Variants in STXBP5 observed in about 807,000 individuals in gnomAD.
STXBP5 encodes the protein syntaxin binding protein 5, also known as syntaxin-binding protein 5.
In STXBP5, 50 loss-of-function variants were observed where a neutral mutation model predicts 152.4. The ratio of observed to expected loss-of-function variants is 0.33; its 90% confidence interval spans 0.26 to 0.42. The LOEUF is 0.42. Among genes scored for constraint, STXBP5 ranks in the 10% least tolerant of loss-of-function variants. The pLI is 1.00. For synonymous variants in STXBP5, 492 were observed against 494.7 expected (o/e 0.99, Z 0.07); for missense variants, 1,167 against 1,388.6 (o/e 0.84, Z 2.54).
chr6:147,208,868 C>T (rs1776706136), intron 2 of STXBP5, among the ~76,000 whole-genome samples: 1 of 151,938 alleles, frequency 6.6e-6, no homozygotes, highest in African/African-American at 2.4e-5. Flanking sequence ...AAATCTTAAT[C>T]CTTTAATAAT....
chr6:147,257,800 A>G (rs1220622952), intron 4 of STXBP5, among the ~76,000 whole-genome samples: 2 of 152,238 alleles, frequency 1.3e-5, no homozygotes, highest in Non-Finnish European at 2.9e-5. Context: ...ATTTCTGCAT[A>G]GAAGAACAAC....
At chr6:147,259,574 C>T (rs2115332558) in intron 4 of STXBP5, among the ~76,000 whole-genome samples, 1 of 152,202 alleles carries the variant, frequency 6.6e-6, no homozygotes. Context: ...TTGAAAATCT[C>T]TGTAATAAAA....
chr6:147,228,715 A>G (rs535226157), intron 2 of STXBP5, among the ~76,000 whole-genome samples: 3 of 152,084 alleles, frequency 2.0e-5, no homozygotes, highest in South Asian at 2.1e-4. Context: ...AAATGACAGC[A>G]TACATGTATG....
At chr6:147,230,367 G>C (rs1385738285) in intron 2 of STXBP5, among the ~76,000 whole-genome samples, 3 of 151,638 alleles carry the variant, frequency 2.0e-5, no homozygotes, top group Non-Finnish European at 4.4e-5. Context: ...GGGCCATATT[G>C]CTTCATTATT....
intron 8 of STXBP5, among the ~76,000 whole-genome samples, chr6:147,286,689 G>A (rs1182198012): frequency 6.6e-6 from 1 of 151,940 alleles, no homozygotes; most frequent in African/African-American, 2.4e-5. Context: ...TTTGGTGTGG[G>A]GAAGAACTTT....
intron 2 of STXBP5, 32 bp from the exon 3 acceptor site, chr6:147,235,218 T>C (rs950400642): frequency 6.3e-7 from 1 of 1,599,742 alleles, no homozygotes; most frequent in Non-Finnish European, 8.6e-7. Context: ...ACCGAACAAA[T>C]ACCATAAACT....
At chr6:147,320,723 A>G (rs1415861935) in intron 16 of STXBP5, among the ~76,000 whole-genome samples, 2 of 152,156 alleles carry the variant, frequency 1.3e-5, no homozygotes, top group East Asian at 1.9e-4. Context: ...TTAAATTACA[A>G]CATTACTTAA....
chr6:147,231,868 CAT>C (rs778056615), intron 2 of STXBP5, among the ~76,000 whole-genome samples: 10 of 151,722 alleles, frequency 6.6e-5, no homozygotes, highest in Admixed American at 1.3e-4. Context: ...TAGGAAGAAT[CAT>C]GTGTGCAAGG....
At chr6:147,355,532 T>C (rs1784777890) in intron 22 of STXBP5, among the ~76,000 whole-genome samples, 3 of 152,170 alleles carry the variant, frequency 2.0e-5, no homozygotes, top group Non-Finnish European at 2.9e-5. Context: ...TTCTCAATAA[T>C]AACCATAGCG....
At chr6:147,248,856 T>G (rs952725089) in intron 4 of STXBP5, among the ~76,000 whole-genome samples, 7 of 152,162 alleles carry the variant, frequency 4.6e-5, no homozygotes, top group African/African-American at 1.7e-4. Context: ...AGGTGAGCAC[T>G]TAAGAGACTG....
In STXBP5 at chr6:147,204,583, G is replaced by A; in HGVS notation, c.51G>A (p.Ser17=). ...TGCTGGACGGCCTGACCGCCGGCTC[G>A]TCCTCGGCGTCGCAGCAGCAACAGC... ...RKVLDGLTAG[S]SSASQQQQQQ... is the part of the protein sequence containing the mutation. Residue 17 remains serine, a synonymous_variant, in exon 1 of 28, where the codon TCG becomes TCA. Coordinates refer to ENST00000321680, the MANE Select transcript of STXBP5 (RefSeq NM_001127715.4). The surrounding 1 kb of genome is among the most constrained non-coding windows in gnomAD (Gnocchi z 4.3). 6.2e-7 allele frequency: 1 copy of A among 1,608,990 alleles called. No individual in the cohort carries two copies. The highest frequency in any genetic ancestry group is 8.5e-7 in the Non-Finnish European group (1 of 1,177,910).
Position 147,346,736 on chromosome 6 carries a change from C to CA in STXBP5, c.2255-6576dup, listed in dbSNP as rs901429195. Among the ~76,000 whole-genome samples the CA allele has an allele frequency of 1.4e-3, 206 of 143,072 alleles. 1 individual carries two copies. The highest frequency in any genetic ancestry group is 2.9e-3 in the African/African-American group (113 of 39,086). 93.9% of individuals were successfully genotyped at this position (143,072 alleles called of 152,430 possible). Reference sequence around the variant, plus strand: ...GTGTGGGTGACAGGGTGAGTCTCCTCAAAAAAAAAAATACAAACTTTTAGC... The same window carrying CA: ...GTGTGGGTGACAGGGTGAGTCTCCTCAAAAAAAAAAAATACAAACTTTTAGC... On this transcript the variant is annotated intron_variant, in intron 21 of 27. Coordinates refer to ENST00000321680, the MANE Select transcript of STXBP5 (RefSeq NM_001127715.4).
chr6:147,212,024 T>C (rs1776882932), intron 2 of STXBP5, among the ~76,000 whole-genome samples: 1 of 152,210 alleles, frequency 6.6e-6, no homozygotes, highest in Non-Finnish European at 1.5e-5. Context: ...GTTAGCTCCT[T>C]TAGCTCCTCA....
At chr6:147,272,696 C>T (rs1230199775) in intron 7 of STXBP5, among the ~76,000 whole-genome samples, 5 of 152,086 alleles carry the variant, frequency 3.3e-5, no homozygotes, top group Admixed American at 6.5e-5. Context: ...TTTTATTACA[C>T]AGGCACAAAT....
chr6:147,221,125 G>A (rs564546468), intron 2 of STXBP5, among the ~76,000 whole-genome samples: 1 of 152,046 alleles, frequency 6.6e-6, no homozygotes, highest in South Asian at 2.1e-4. Flanking sequence ...GGTCTACTTT[G>A]AAAGAACACT....
chr6:147,323,579 A>G (rs1322663448), intron 16 of STXBP5, among the ~76,000 whole-genome samples: 1 of 151,962 alleles, frequency 6.6e-6, no homozygotes, highest in East Asian at 1.9e-4. Flanking sequence ...TTTAGTAGAG[A>G]CGGGGTTTCG....
chr6:147,363,250 A>G (rs765790258), intron 23 of STXBP5, 85 bp from the exon 24 acceptor site: 119 of 1,342,186 alleles, frequency 8.9e-5, no homozygotes, highest in Non-Finnish European at 1.1e-4. Context: ...ATATTTAAGT[A>G]TCTACTGTAT....
intron 5 of STXBP5, among the ~76,000 whole-genome samples, chr6:147,261,663 G>A (rs938840737): frequency 1.2e-4 from 18 of 151,958 alleles, no homozygotes; most frequent in Non-Finnish European, 7.4e-5. Flanking sequence ...TTCATGGTCT[G>A]TTCTTTGAAT....
intron 9 of STXBP5, among the ~76,000 whole-genome samples, chr6:147,295,660 G>C (rs1781482922): frequency 6.6e-6 from 1 of 152,172 alleles, no homozygotes; most frequent in Non-Finnish European, 1.5e-5. Context: ...CCCTTGTGGG[G>C]AAAACGTAAG....
Sources: allele counts gnomAD v4.1 joint callset (sites outside exome capture counted in the v4.1 genomes callset), GRCh38; gene constraint gnomAD v4.1.1; non-coding constraint Gnocchi (gnomAD v3.1); transcripts MANE v1.5; gene names NCBI Gene and HGNC (gene_info 2026-07-23, HGNC 2026-07-21).